HNRNPU: variants seen among roughly 807,000 people sequenced by gnomAD.
The protein encoded by HNRNPU is HNRNPU antisense RNA 1.
In HNRNPU, 5 loss-of-function variants were observed where a neutral mutation model predicts 94.7. The observed-to-expected ratio is 0.05, with a 90% confidence interval of 0.03 to 0.11. The LOEUF (loss-of-function observed/expected upper bound fraction) is 0.11. HNRNPU is among the 10% of genes least tolerant of loss of function. The pLI, the probability that HNRNPU is intolerant of heterozygous loss-of-function variation, is 1.00. For missense variants in HNRNPU, 710 were observed against 1,049.2 expected, an observed-to-expected ratio of 0.68 and a Z score of 4.47; for synonymous variants, 434 against 381.6, an observed-to-expected ratio of 1.14 and a Z score of -1.60.
chr1:244,858,677 G>T (rs1296401059), intron 6 of HNRNPU, 52 bp downstream of exon 6: 2 of 940,050 alleles, frequency 2.1e-6, no homozygotes, highest in Non-Finnish European at 3.5e-6. Context: ...AAAGTTCCTA[G>T]ATATAGCTAC....
intron 1 of HNRNPU, among the ~76,000 whole-genome samples, chr1:244,863,297 GGCTCCCTCCCGCCGCCC>G (rs1323372631): frequency 6.7e-6 from 1 of 148,768 alleles, no homozygotes; most frequent in African/African-American, 2.5e-5. Context: ...GGGCCGACCG[GGCTCCCTCCCGCCGCCC>G]GCCCGCGGCT....
rs1680932618 is a variant in HNRNPU at position 244,864,039 on chromosome 1, TC to T, written c.268del (p.Glu90LysfsTer17). The T allele has an allele frequency of 6.2e-7, 1 of 1,609,998 alleles. No homozygotes were observed. ...AGGDEEEEEE[E>X]EEEEGISALD... Reference sequence around the variant, plus strand: ...AGCGGAGATTCCTTCCTCCTCCTCTTCCTCTTCCTCCTCCTCTTCATCGCCG... The same window carrying T: ...AGCGGAGATTCCTTCCTCCTCCTCTTCTCTTCCTCCTCCTCTTCATCGCCG... On this transcript the variant is annotated frameshift_variant, in exon 1 of 14. Transcript: ENST00000640218. LOFTEE classifies it high-confidence loss of function.
Position 244,863,973 on chromosome 1 carries a change from G to T in HNRNPU, c.335C>A (p.Ala112Asp), listed in dbSNP as rs1680930008. ...CGGGCCCGAGTCGGCCGCCCCCGCG[G>T]CCCCGTTCTCCTCTCCTAGCTCCAT... ...DQMELGEENG[A>D]AGAADSGPME... Residue 112 changes from alanine (A) to aspartate (D), a missense_variant, in exon 1 of 14, where the codon GCC becomes GAC. Around this residue, in one of 8 missense-constraint regions of HNRNPU, gnomAD observed 292 missense variants for 293.4 expected, o/e 1.00. Transcript: ENST00000640218. 3.7e-5 allele frequency: 59 copies of T among 1,613,704 alleles called. No homozygotes were observed. The highest frequency in any genetic ancestry group is 4.9e-5 in the Non-Finnish European group (58 of 1,179,884).
At chr1:244,863,366 A>G (rs1309045237) in intron 1 of HNRNPU, among the ~76,000 whole-genome samples, 1 of 147,166 alleles carries the variant, frequency 6.8e-6, no homozygotes, top group Non-Finnish European at 1.5e-5. Context: ...CCGGCTCTCG[A>G]GCCACATAAT....
chr1:244,851,988 A>G lies in HNRNPU; in HGVS notation c.*2462T>C, dbSNP rs1011814665. ...TTTAAAATATAACCTTAGTGAAAGC[A>G]CCCTTCAAATCAACAGCAATCTCAC... On this transcript the variant is annotated 3_prime_UTR_variant, in exon 14 of 14. Transcript: ENST00000640218. The G allele has an allele frequency of 6.6e-6, 1 of 152,194 alleles. No homozygotes were observed. The highest frequency in any genetic ancestry group is 1.5e-5 in the Non-Finnish European group (1 of 68,036). The allele number at this position is 152,194 out of a possible 1,614,324, so 9.4% of individuals were successfully genotyped here.
chr1:244,863,015 A>G (rs1394054109), intron 1 of HNRNPU: 7 of 381,352 alleles, frequency 1.8e-5, no homozygotes, highest in Non-Finnish European at 4.7e-6. Context: ...AAGAGAGCGC[A>G]GAGAGGGGGA....
chr1:244,854,347 C>T lies in HNRNPU; in HGVS notation c.*103G>A. On this transcript the variant is annotated 3_prime_UTR_variant, in exon 14 of 14. Transcript: ENST00000640218. ...CTTCTAAAAAAGGAACCCGCAGGCA[C>T]TTCCTCTTGTGGAATGTTTAAAAAG... 1 of 802,972 alleles carries T rather than the reference C, an allele frequency of 1.2e-6. No individual in the cohort carries two copies. Among genetic ancestry groups the T allele is most frequent in the Non-Finnish European group, 2.1e-6 (1 of 468,616 alleles). The allele number at this position is 802,972 out of a possible 1,614,324, so 49.7% of individuals were successfully genotyped here. A position where few individuals can be genotyped will look rare whatever the true frequency, so the allele number is the denominator to read the frequency against.
chr1:244,858,221 A>T lies in HNRNPU; in HGVS notation c.1284T>A (p.Leu428=). ...ELSYAKNGQD[L]GVAFKISKEV... is the part of the protein sequence containing the mutation. ...CCTTACTGATTTTGAAGGCAACGCC[A>T]AGATCTTGTCCATTCTTAGCATACG... The change falls in exon 7 of 14, where the codon CTT becomes CTA. Residue 428 remains leucine (L), a synonymous_variant. Transcript: ENST00000640218. 1.9e-6 allele frequency: 3 copies of T among 1,614,148 alleles called. No individual in the cohort carries two copies. The African/African-American group carries it at 4.0e-5, about 22-fold the overall frequency.
At chr1:244,859,680 G>T in intron 4 of HNRNPU, 1 of 198,464 alleles carries the variant, frequency 5.0e-6, no homozygotes, top group Non-Finnish European at 1.0e-5. Flanking sequence ...ACCAACAAAA[G>T]CAGTAATGTA....
At chr1:244,857,358 T>G (rs1053793470) in intron 8 of HNRNPU, 1 of 382,406 alleles carries the variant, frequency 2.6e-6, no homozygotes. Context: ...TAATTGTCCC[T>G]GCCTCAACCT....
intron 7 of HNRNPU, 61 bp from the exon 8 acceptor site, chr1:244,857,778 A>T: frequency 1.3e-6 from 2 of 1,563,678 alleles, no homozygotes; most frequent in South Asian, 2.4e-5. Context: ...TAATTCTTTA[A>T]ATATTGTTAA....
In HNRNPU at chr1:244,852,620, G is replaced by C. The variant is rs569876530; in HGVS notation, c.*1830C>G. 51 of 152,230 alleles carry C rather than the reference G, an allele frequency of 3.4e-4. No homozygotes were observed. The highest frequency in any genetic ancestry group is 3.4e-3 in the Middle Eastern group (1 of 294). 9.4% of individuals were successfully genotyped at this position (152,230 alleles called of 1,614,324 possible). ...AAAATCCATGACACTATCTTCAACT[G>C]TTAAATATCTTATGTTAACTAAGGA... On this transcript the variant is annotated 3_prime_UTR_variant, in exon 14 of 14. Coordinates refer to ENST00000640218, the MANE Select transcript of HNRNPU (RefSeq NM_031844.3).
Position 244,858,716 on chromosome 1 carries a change from A to C in HNRNPU, c.1230+13T>G. The C allele has an allele frequency of 7.1e-7, 1 of 1,399,358 alleles. No homozygotes were observed. The highest frequency in any genetic ancestry group is 2.3e-5 in the East Asian group (1 of 43,848). The allele number at this position is 1,399,358 out of a possible 1,614,324, so 86.7% of individuals were successfully genotyped here. A position where few individuals can be genotyped will look rare whatever the true frequency, so the allele number is the denominator to read the frequency against. ...CTTTGCCATTTATACATAGAAAGTT[A>C]GCTTTAACTTACAGCAAAACATGTA... On this transcript the variant is annotated intron_variant, in intron 6 of 13. Transcript: ENST00000640218.
rs764150176 is a variant in HNRNPU, at chr1:244,863,726, G to C, written c.582C>G (p.Phe194Leu). The C allele has an allele frequency of 6.4e-7, 1 of 1,566,834 alleles. No individual in the cohort carries two copies. Among genetic ancestry groups the C allele is most frequent in the Non-Finnish European group, 8.6e-7 (1 of 1,162,990 alleles). The change falls in exon 1 of 14, where the codon TTC becomes TTG. Residue 194 changes from phenylalanine (F) to leucine (L), a missense_variant. This residue lies in a region of HNRNPU where 292 missense variants were observed against 293.4 expected (regional missense o/e 1.00). Coordinates refer to ENST00000640218, the MANE Select transcript of HNRNPU (RefSeq NM_031844.3). ...AGKSSGPTSL[F>L]AVTVAPPGAR... ...CCCCGGGCGGCGCCACCGTCACCGC[G>C]AACAGCGAGGTGGGGCCGCTGCTCT...
chr1:244,859,797 C>T (rs1319623171), intron 4 of HNRNPU: 2 of 157,080 alleles, frequency 1.3e-5, no homozygotes, highest in African/African-American at 4.8e-5. Flanking sequence ...TCTAACATAA[C>T]AACCGTGATT....
Position 244,859,816 on chromosome 1 carries a change from C to A in HNRNPU, c.1018-442G>T, listed in dbSNP as rs79267744. 3.7e-3 allele frequency: 574 copies of A among 156,314 alleles called. 1 individual carries two copies. The highest frequency in any genetic ancestry group is 0.013 in the African/African-American group (545 of 41,740). The allele number at this position is 156,314 out of a possible 1,614,324, so 9.7% of individuals were successfully genotyped here. A position where few individuals can be genotyped will look rare whatever the true frequency, so the allele number is the denominator to read the frequency against. The stretch of plus-strand genomic sequence containing the variant: ...ACATAACAACCGTGATTAACTGTCA[C>A]AACAAAATGAAGGTTCCAAGCTCCT... On this transcript the variant is annotated intron_variant, in intron 4 of 13. Coordinates refer to ENST00000640218, the MANE Select transcript of HNRNPU (RefSeq NM_031844.3).
At chr1:244,863,057 CCCCCGCGGGCCCGCGCT>C (rs1365003360) in intron 1 of HNRNPU, 93 of 304,018 alleles carry the variant, frequency 3.1e-4, no homozygotes, top group Middle Eastern at 2.0e-3. Context: ...GCGCTCCCCT[CCCCCGCGGGCCCGCGCT>C]CCCCGCGGCC....
Position 244,858,081 on chromosome 1 carries a change from A to C in HNRNPU, c.1424T>G (p.Phe475Cys), listed in dbSNP as rs569338651. The change falls in exon 7 of 14, where the codon TTC (phenylalanine) becomes TGC (cysteine). Residue 475 changes from phenylalanine to cysteine, a missense_variant. Physicochemically the swap from Phe to Cys is radical, Grantham distance 205 (BLOSUM62 -2). Around this residue, in one of 8 missense-constraint regions of HNRNPU, gnomAD observed 150 missense variants for 187.9 expected, o/e 0.80. Transcript: ENST00000640218. The stretch of plus-strand genomic sequence containing the variant: ...ATCCTCTAAGGGGACGTTCTGGATG[A>C]AAGTATACTCTTCAGGTATTGGAAA... Reference protein sequence around the residue: ...PYFPIPEEYTFIQNVPLEDRV... With the variant: ...PYFPIPEEYTCIQNVPLEDRV... 1.2e-6 allele frequency: 2 copies of C among 1,614,110 alleles called. No individual in the cohort carries two copies. The highest frequency in any genetic ancestry group is 4.5e-5 in the East Asian group (2 of 44,878).
chr1:244,856,410 C>G, intron 10 of HNRNPU, 47 bp downstream of exon 10: 3 of 1,554,440 alleles, frequency 1.9e-6, no homozygotes, highest in Non-Finnish European at 2.6e-6. Flanking sequence ...GAAAAACATT[C>G]TTTTAAAAAG....
Sources: gnomAD v4.1 joint callset for allele counts (sites outside exome capture counted in the v4.1 genomes callset) on GRCh38, gnomAD v4.1.1 for gene constraint, gnomAD v4.1.1 regional missense constraint, MANE v1.5 for transcripts, NCBI Gene and HGNC (gene_info 2026-07-23, HGNC 2026-07-21) for gene names.